Variants in NALF1 observed in about 807,000 individuals in gnomAD.
NALF1 encodes the protein NALCN channel auxiliary factor 1.
In NALF1, 3 loss-of-function variants were observed where a neutral mutation model predicts 48.4. That is an observed-to-expected ratio of 0.06 (90% CI 0.03 to 0.16). The LOEUF (loss-of-function observed/expected upper bound fraction) is 0.16, where lower values mean the gene tolerates loss of function less well. NALF1 is among the 10% of genes least tolerant of loss of function. NALF1 has a pLI of 1.00. For missense variants in NALF1, 526 were observed against 571.5 expected (o/e 0.92, Z 0.81); for synonymous variants, 262 against 245.7 (o/e 1.07, Z -0.62).
chr13:107,469,114 C>A (rs1220489364), intron 1 of NALF1, among the ~76,000 whole-genome samples: 1 of 151,986 alleles, frequency 6.6e-6, no homozygotes. Flanking sequence ...TATTTTTATA[C>A]TCAGTTTTAA....
chr13:107,473,731 C>T (rs988605303), intron 1 of NALF1, among the ~76,000 whole-genome samples: 1 of 152,204 alleles, frequency 6.6e-6, no homozygotes, highest in African/African-American at 2.4e-5. Flanking sequence ...GACGCCCTTC[C>T]ACCCTGCTCC....
At chr13:107,851,805 C>CTTTTTTTTTT (rs34999908) in intron 1 of NALF1, among the ~76,000 whole-genome samples, 5 of 104,700 alleles carry the variant, frequency 4.8e-5, no homozygotes, top group Admixed American at 1.2e-4. Flanking sequence ...CAGGCCCTTT[C>CTTTTTTTTTT]TTTTTTTTTT....
At chr13:107,202,817 C>T (rs1005625082) in intron 2 of NALF1, among the ~76,000 whole-genome samples, 8 of 152,180 alleles carry the variant, frequency 5.3e-5, no homozygotes, top group African/African-American at 1.9e-4. Flanking sequence ...AGCAAGGAAA[C>T]AATGGCTTAC....
At chr13:107,517,328 T>G (rs1459154854) in intron 1 of NALF1, among the ~76,000 whole-genome samples, 1 of 152,132 alleles carries the variant, frequency 6.6e-6, no homozygotes, top group Non-Finnish European at 1.5e-5. Flanking sequence ...TTACTGGGAA[T>G]TTTTAAAAAT....
At chr13:107,383,987 A>C (rs1883483618) in intron 1 of NALF1, among the ~76,000 whole-genome samples, 1 of 152,196 alleles carries the variant, frequency 6.6e-6, no homozygotes, top group African/African-American at 2.4e-5. Context: ...GGTGGTTCAC[A>C]CCTGTAACCC....
At chr13:107,304,733 G>T (rs957561768) in intron 1 of NALF1, among the ~76,000 whole-genome samples, 1 of 152,224 alleles carries the variant, frequency 6.6e-6, no homozygotes, top group Non-Finnish European at 1.5e-5. Context: ...GTCAGCCAAG[G>T]GAGCAGTGTC....
At chr13:107,682,085 C>G (rs901655612) in intron 1 of NALF1, among the ~76,000 whole-genome samples, 1 of 152,176 alleles carries the variant, frequency 6.6e-6, no homozygotes, top group Non-Finnish European at 1.5e-5. Context: ...AATTGCTGGA[C>G]AAGTTACAAG....
chr13:107,640,535 A>G (rs1283646964), intron 1 of NALF1, among the ~76,000 whole-genome samples: 3 of 152,204 alleles, frequency 2.0e-5, no homozygotes, highest in Non-Finnish European at 4.4e-5. Context: ...CAGTTTTACT[A>G]TATAAGATTT....
chr13:107,378,093 A>T (rs570939242), intron 1 of NALF1, among the ~76,000 whole-genome samples: 1 of 152,310 alleles, frequency 6.6e-6, no homozygotes, highest in South Asian at 2.1e-4. Flanking sequence ...TTAGAACTTA[A>T]AATGTAACAG....
chr13:107,778,012 A>G (rs1877786909), intron 1 of NALF1, among the ~76,000 whole-genome samples: 1 of 152,232 alleles, frequency 6.6e-6, no homozygotes, highest in African/African-American at 2.4e-5. Context: ...TTTGCTGATG[A>G]ATTAAAAATA....
At chr13:107,749,952 T>A (rs1011657964) in intron 1 of NALF1, among the ~76,000 whole-genome samples, 1 of 152,098 alleles carries the variant, frequency 6.6e-6, no homozygotes, top group African/African-American at 2.4e-5. Context: ...CCCAAGTAGC[T>A]GGGACTACAG....
rs371690734 is a variant in NALF1 at position 107,171,098 on chromosome 13, T to C, written c.1088-312A>G. 3.3e-5 allele frequency among the ~76,000 whole-genome samples: 5 copies of C among 152,224 alleles called. No homozygotes were observed. The East Asian group carries it at 9.6e-4, about 29-fold the overall frequency. ...TTGAGGTTCCGGATCAACTTGGATA[T>C]CAAGTACATGCAGTCATCCTTTCTT... On this transcript the variant is annotated intron_variant, in intron 2 of 2. Transcript: ENST00000375915.
At chr13:107,329,459 T>C (rs1399925644) in intron 1 of NALF1, among the ~76,000 whole-genome samples, 1 of 152,098 alleles carries the variant, frequency 6.6e-6, no homozygotes, top group East Asian at 1.9e-4. Flanking sequence ...GTCCAGTAGC[T>C]TCACTCCTGG....
intron 1 of NALF1, among the ~76,000 whole-genome samples, chr13:107,250,412 A>T (rs1359349611): frequency 2.0e-5 from 3 of 151,108 alleles, no homozygotes; most frequent in South Asian, 2.1e-4. Context: ...TGAATTATTA[A>T]TTTTTTTTTT....
rs1594067145 is a variant in NALF1, at chr13:107,201,180, T to C, written c.1087+9404A>G. Among the ~76,000 whole-genome samples, 5 of 151,576 alleles carry C rather than the reference T, an allele frequency of 3.3e-5. No individual in the cohort carries two copies. The South Asian group carries it at 1.0e-3, about 31-fold the overall frequency. ...TCTATCTATCTATCATCTATCTATC[T>C]ATCTATCTATCTATCTACCCATCCA... On this transcript the variant is annotated intron_variant, in intron 2 of 2. Coordinates refer to ENST00000375915, the MANE Select transcript of NALF1 (RefSeq NM_001080396.3).
chr13:107,750,576 T>A (rs1207047324), intron 1 of NALF1, among the ~76,000 whole-genome samples: 2 of 149,434 alleles, frequency 1.3e-5, no homozygotes, highest in Non-Finnish European at 3.0e-5. Flanking sequence ...TGGATTTTAT[T>A]AACATGAAAA....
intron 1 of NALF1, among the ~76,000 whole-genome samples, chr13:107,658,005 G>A (rs1268012476): frequency 2.0e-5 from 3 of 152,070 alleles, no homozygotes; most frequent in Admixed American, 6.6e-5. Context: ...GTACATGTTC[G>A]AGACATTAGT....
chr13:107,727,873 ATGAACAG>A (rs947394879), intron 1 of NALF1, among the ~76,000 whole-genome samples: 69 of 152,350 alleles, frequency 4.5e-4, no homozygotes, highest in African/African-American at 1.6e-3. Context: ...GGCAAAGGAT[ATGAACAG>A]ACACTTCTCA....
At chr13:107,630,205 C>A (rs1303160049) in intron 1 of NALF1, among the ~76,000 whole-genome samples, 1 of 152,110 alleles carries the variant, frequency 6.6e-6, no homozygotes. Context: ...TAAGTACATT[C>A]TCTTACCGTG....
Sources: allele counts gnomAD v4.1 joint callset (sites outside exome capture counted in the v4.1 genomes callset), GRCh38; gene constraint gnomAD v4.1.1; transcripts MANE v1.5; gene names NCBI Gene and HGNC (gene_info 2026-07-23, HGNC 2026-07-21).